DGKB: variants seen among roughly 807,000 people sequenced by gnomAD.
The protein encoded by DGKB is diacylglycerol kinase beta.
DGKB carries 67 observed loss-of-function variants against 114.3 expected under a neutral mutation model. The ratio of observed to expected loss-of-function variants is 0.59; its 90% CI spans 0.48 to 0.72. DGKB has a LOEUF of 0.72. DGKB is among the 30% of genes least tolerant of loss of function. DGKB has a pLI of 0.00. For synonymous variants in DGKB, 398 were observed against 323.1 expected, an observed-to-expected ratio of 1.23 and a Z score of -2.49; for missense variants, 907 against 975.2, an observed-to-expected ratio of 0.93 and a Z score of 0.93.
At chr7:14,625,130 G>A (rs73059501) in intron 14 of DGKB, among the ~76,000 whole-genome samples, 1,876 of 152,172 alleles carry the variant, frequency 0.012, 13 homozygotes, top group Admixed American at 0.018. Context: ...TAAATCCTCA[G>A]TGTATCCATC....
chr7:14,155,023 C>T (rs969819815), intron 25 of DGKB, among the ~76,000 whole-genome samples: 1 of 151,982 alleles, frequency 6.6e-6, no homozygotes, highest in Non-Finnish European at 1.5e-5. Flanking sequence ...CCGGTCCCAC[C>T]CCAGATCTTC....
chr7:14,949,097 G>T (rs1339001716), intron 1 of DGKB, among the ~76,000 whole-genome samples: 1 of 151,730 alleles, frequency 6.6e-6, no homozygotes, highest in African/African-American at 2.4e-5. Context: ...TATACAAAGT[G>T]AAATTTTGCA....
intron 21 of DGKB, among the ~76,000 whole-genome samples, chr7:14,401,484 T>C (rs1823091357): frequency 1.3e-5 from 2 of 151,898 alleles, no homozygotes; most frequent in African/African-American, 2.4e-5. Flanking sequence ...TGAGGCTCTA[T>C]ATCCCATTAA....
chr7:14,617,359 C>G (rs1383279273), intron 15 of DGKB, among the ~76,000 whole-genome samples: 1 of 151,564 alleles, frequency 6.6e-6, no homozygotes, highest in Admixed American at 6.6e-5. Context: ...TTCCTGATTC[C>G]TCACTTTTCT....
At chr7:14,376,863 T>G (rs1225430173) in intron 21 of DGKB, among the ~76,000 whole-genome samples, 1 of 152,184 alleles carries the variant, frequency 6.6e-6, no homozygotes, top group African/African-American at 2.4e-5. Flanking sequence ...AGAAGTAAGC[T>G]TTTCTATAAA....
At position 14,236,653 on chromosome 7, in the gene DGKB, C is replaced by A. The variant is rs556868377; in HGVS notation, c.2123-58502G>T. Among the ~76,000 whole-genome samples, 62 of 151,936 alleles carry A rather than the reference C, an allele frequency of 4.1e-4. 1 individual carries two copies. Among genetic ancestry groups the A allele is most frequent in the Non-Finnish European group, 7.2e-4 (49 of 67,914 alleles). On this transcript the variant is annotated intron_variant, in intron 23 of 25. Transcript: ENST00000402815. ...CATAAAATTTTCTAAAAATCAAAGTCGTGAAATTTTTTCCCCCTATGAATT... is the reference window on the plus strand; with the variant it reads ...CATAAAATTTTCTAAAAATCAAAGTAGTGAAATTTTTTCCCCCTATGAATT...
intron 23 of DGKB, among the ~76,000 whole-genome samples, chr7:14,328,927 T>A (rs951303903): frequency 6.6e-6 from 1 of 151,922 alleles, no homozygotes; most frequent in Non-Finnish European, 1.5e-5. Context: ...GTTGACAAAC[T>A]CGAATTTATT....
intron 13 of DGKB, among the ~76,000 whole-genome samples, chr7:14,664,118 T>C (rs1817625549): frequency 6.6e-6 from 1 of 152,052 alleles, no homozygotes; most frequent in African/African-American, 2.4e-5. Flanking sequence ...TAATATCCAA[T>C]AAGTCATTCT....
At chr7:14,346,427 A>T (rs1401682155) in intron 21 of DGKB, among the ~76,000 whole-genome samples, 2 of 151,954 alleles carry the variant, frequency 1.3e-5, no homozygotes, top group Non-Finnish European at 2.9e-5. Context: ...ATCTATCTAA[A>T]CATAGTCAAT....
chr7:14,424,859 T>G (rs1334462546), intron 21 of DGKB, among the ~76,000 whole-genome samples: 1 of 152,212 alleles, frequency 6.6e-6, no homozygotes, highest in East Asian at 1.9e-4. Flanking sequence ...TTTACTCCCC[T>G]GCACCACACT....
At chr7:14,460,098 G>A (rs947906031) in intron 21 of DGKB, among the ~76,000 whole-genome samples, 2 of 152,030 alleles carry the variant, frequency 1.3e-5, no homozygotes, top group Non-Finnish European at 2.9e-5. Context: ...CCTGAAGAAA[G>A]CACTAAATAT....
chr7:14,360,559 G>A (rs1257492207), intron 21 of DGKB, among the ~76,000 whole-genome samples: 3 of 151,960 alleles, frequency 2.0e-5, no homozygotes, highest in Admixed American at 2.0e-4. Flanking sequence ...TGTAGGTGTT[G>A]CAGTAGACTT....
intron 23 of DGKB, among the ~76,000 whole-genome samples, chr7:14,327,136 T>C (rs1419644208): frequency 6.6e-6 from 1 of 152,154 alleles, no homozygotes; most frequent in Non-Finnish European, 1.5e-5. Context: ...CAACGGAAGT[T>C]AAATTTCAGT....
At chr7:14,235,718 T>A (rs1156484752) in intron 23 of DGKB, among the ~76,000 whole-genome samples, 3 of 152,088 alleles carry the variant, frequency 2.0e-5, no homozygotes, top group East Asian at 1.9e-4. Context: ...TACCCTTAAT[T>A]GTTTTTCTTT....
intron 21 of DGKB, among the ~76,000 whole-genome samples, chr7:14,360,586 T>A (rs751047953): frequency 6.6e-6 from 1 of 151,966 alleles, no homozygotes; most frequent in Non-Finnish European, 1.5e-5. Flanking sequence ...CAGCTCAGAT[T>A]TCCCATCCTG....
At chr7:14,292,110 G>A (rs1801864129) in intron 23 of DGKB, among the ~76,000 whole-genome samples, 1 of 152,162 alleles carries the variant, frequency 6.6e-6, no homozygotes, top group Non-Finnish European at 1.5e-5. Context: ...CTCTGTTCAT[G>A]AAAAGTGATT....
intron 23 of DGKB, among the ~76,000 whole-genome samples, chr7:14,198,778 T>A (rs1785394349): frequency 6.6e-6 from 1 of 151,994 alleles, no homozygotes; most frequent in Non-Finnish European, 1.5e-5. Context: ...CCCAGAGGTC[T>A]CTAAGGTACC....
At chr7:14,665,190 T>C (rs1411059404) in intron 13 of DGKB, among the ~76,000 whole-genome samples, 1 of 151,874 alleles carries the variant, frequency 6.6e-6, no homozygotes, top group Non-Finnish European at 1.5e-5. Context: ...TGTTAGAGAA[T>C]TAAGAACCTT....
chr7:14,927,975 G>T (rs940196953), intron 1 of DGKB, among the ~76,000 whole-genome samples: 10 of 151,788 alleles, frequency 6.6e-5, no homozygotes, highest in African/African-American at 2.2e-4. Context: ...CTATAAAAAG[G>T]CAAGATAGTT....
Sources: allele counts gnomAD v4.1 joint callset (sites outside exome capture counted in the v4.1 genomes callset), GRCh38; gene constraint gnomAD v4.1.1; transcripts MANE v1.5; gene names NCBI Gene and HGNC (gene_info 2026-07-23, HGNC 2026-07-21).